PCCB: variants seen among roughly 807,000 people sequenced by gnomAD.
The protein encoded by PCCB is propionyl-CoA carboxylase subunit beta, also known as propionyl-CoA carboxylase beta chain, mitochondrial.
PCCB carries 43 observed loss-of-function variants against 60.7 expected under a neutral mutation model. That is an observed-to-expected ratio of 0.71 (90% CI 0.55 to 0.91). The LOEUF is 0.91. Ranked by LOEUF, PCCB falls within the 40% of genes least tolerant of loss-of-function variation. The pLI is 0.00. For missense variants in PCCB, 766 were observed against 702.8 expected (o/e 1.09, Z -1.02); for synonymous variants, 276 against 255.9 (o/e 1.08, Z -0.75).
At chr3:136,329,864 C>T (rs753182525) in intron 14 of PCCB, 41 bp from the exon 15 acceptor site, 66 of 1,610,214 alleles carry the variant, frequency 4.1e-5, no homozygotes, top group Non-Finnish European at 5.3e-5. Flanking sequence ...GGCATCATCT[C>T]GGGATGCAGA....
intron 7 of PCCB, 128 bp downstream of exon 7, chr3:136,293,992 A>G: frequency 1.5e-6 from 1 of 689,412 alleles, no homozygotes; most frequent in East Asian, 2.6e-5. Flanking sequence ...ACTGTGGTAC[A>G]GTCTATTGTA....
intron 1 of PCCB, among the ~76,000 whole-genome samples, chr3:136,253,721 A>T (rs1576400486): frequency 7.7e-6 from 1 of 130,298 alleles, no homozygotes; most frequent in Non-Finnish European, 1.6e-5. Flanking sequence ...CCCAGGCTGG[A>T]GGGCAGTGGT....
chr3:136,326,253 G>T (rs1318030650), intron 10 of PCCB: 4 of 687,472 alleles, frequency 5.8e-6, no homozygotes, highest in South Asian at 1.5e-5. Context: ...TGGTCTCATA[G>T]AATTAAGTTG....
In PCCB at chr3:136,297,987, G is replaced by T. The variant is rs770733810; in HGVS notation, c.799G>T (p.Ala267Ser). Reference protein sequence around the residue: ...AHRAFENDVDALCNLRDFFNY... With the variant: ...AHRAFENDVDSLCNLRDFFNY... ...CAGAGCTTTTGAAAATGATGTTGAT[G>T]CCTTGTGTAATCTCCGGGATTTCTT... The change falls in exon 8 of 15, where the codon GCC becomes TCC. Residue 267 changes from alanine to serine, a missense_variant. By Grantham distance (99) the Ala-to-Ser change is moderately conservative (BLOSUM62 1). Transcript: ENST00000251654. 4 of 1,613,970 alleles carry T rather than the reference G, an allele frequency of 2.5e-6. No homozygotes were observed. The Admixed American group carries it at 6.7e-5, about 27-fold the overall frequency.
At chr3:136,268,087 G>GAGATAT (rs1553775716) in intron 5 of PCCB, among the ~76,000 whole-genome samples, 37 of 93,786 alleles carry the variant, frequency 3.9e-4, no homozygotes, top group African/African-American at 1.7e-3. Flanking sequence ...TGTGTGTGTA[G>GAGATAT]ATATATATAT....
chr3:136,267,622 CCACAGG>C (rs1483090729), intron 5 of PCCB, among the ~76,000 whole-genome samples: 1 of 152,018 alleles, frequency 6.6e-6, no homozygotes, highest in Non-Finnish European at 1.5e-5. Flanking sequence ...GTAGCTGAGA[CCACAGG>C]CACATGCTAC....
intron 10 of PCCB, among the ~76,000 whole-genome samples, chr3:136,320,386 T>A (rs1318307189): frequency 6.6e-6 from 1 of 152,224 alleles, no homozygotes; most frequent in Non-Finnish European, 1.5e-5. Context: ...TTTTGTAGTT[T>A]TCAGAGTCCA....
intron 13 of PCCB, among the ~76,000 whole-genome samples, chr3:136,328,470 C>T (rs529961248): frequency 1.3e-4 from 20 of 152,158 alleles, no homozygotes; most frequent in Non-Finnish European, 1.9e-4. Context: ...ATGATGAGTG[C>T]AAATGGAGAT....
At chr3:136,288,076 T>C (rs1049615721) in intron 6 of PCCB, among the ~76,000 whole-genome samples, 2 of 152,246 alleles carry the variant, frequency 1.3e-5, no homozygotes, top group African/African-American at 2.4e-5. Flanking sequence ...TAGTCTCTTA[T>C]TGTGTTGTCA....
chr3:136,323,785 T>A lies in PCCB; in HGVS notation c.1091-3018T>A, dbSNP rs1452610987. ...GGGTGACAAGAAGCAGAACTCCATC[T>A]CAGAAACAAAACAAAACATCTCAAA... On this transcript the variant is annotated intron_variant, in intron 10 of 14. Coordinates refer to ENST00000251654, the MANE Select transcript of PCCB (RefSeq NM_000532.5). Among the ~76,000 whole-genome samples the A allele has an allele frequency of 2.9e-5, 4 of 136,182 alleles. No individual in the cohort carries two copies. The Admixed American group carries it at 3.1e-4, about 10-fold the overall frequency. The allele number at this position is 136,182 out of a possible 152,430, so 89.3% of individuals were successfully genotyped here. A position where few individuals can be genotyped will look rare whatever the true frequency, so the allele number is the denominator to read the frequency against.
At position 136,328,755 on chromosome 3, in the gene PCCB, C is replaced by T; in HGVS notation, c.1399-3C>T. On this transcript the variant is annotated splice_region_variant and splice_polypyrimidine_tract_variant and intron_variant, in intron 13 of 14. Transcript: ENST00000251654. The stretch of plus-strand genomic sequence containing the variant: ...AGATGTTCATGAACTCCTCTAATCA[C>T]AGGGCGCTGTGGAGATCATCTTCAA... 6.2e-7 allele frequency: 1 copy of T among 1,612,436 alleles called. No homozygotes were observed.
chr3:136,311,176 G>A (rs977840753), intron 9 of PCCB, among the ~76,000 whole-genome samples: 3 of 152,048 alleles, frequency 2.0e-5, no homozygotes, highest in African/African-American at 7.2e-5. Flanking sequence ...AAACTCTAGA[G>A]AATGCATTAT....
intron 10 of PCCB, among the ~76,000 whole-genome samples, chr3:136,318,518 C>T (rs1934995886): frequency 6.6e-6 from 1 of 152,216 alleles, no homozygotes; most frequent in Non-Finnish European, 1.5e-5. Flanking sequence ...ATTTTCATCT[C>T]CTCAGAGACT....
At chr3:136,268,092 A>ATATATATATATATATATATATG (rs1942070239) in intron 5 of PCCB, among the ~76,000 whole-genome samples, 1 of 54,474 alleles carries the variant, frequency 1.8e-5, no homozygotes, top group Non-Finnish European at 3.7e-5. Flanking sequence ...GTGTAGATAT[A>ATATATATATATATATATATATG]TATATATATA....
At chr3:136,253,837 CAG>C (rs1941593366) in intron 1 of PCCB, among the ~76,000 whole-genome samples, 2 of 151,676 alleles carry the variant, frequency 1.3e-5, no homozygotes, top group Non-Finnish European at 2.9e-5. Flanking sequence ...TTGGTAGAGA[CAG>C]AGTCTCGCTT....
At chr3:136,296,354 C>A (rs531679542) in intron 7 of PCCB, among the ~76,000 whole-genome samples, 1 of 152,178 alleles carries the variant, frequency 6.6e-6, no homozygotes, top group Non-Finnish European at 1.5e-5. Flanking sequence ...GAAATGGAAT[C>A]ATATAATATG....
chr3:136,300,022 A>C (rs1209238315), intron 8 of PCCB, among the ~76,000 whole-genome samples: 2 of 151,918 alleles, frequency 1.3e-5, no homozygotes, highest in Admixed American at 1.3e-4. Context: ...GCATGTGTAC[A>C]CGCCCACACA....
intron 1 of PCCB, among the ~76,000 whole-genome samples, chr3:136,250,913 T>C (rs548288): frequency 0.74 from 112,890 of 152,138 alleles, 42,140 homozygotes; most frequent in East Asian, 0.86. Context: ...GATAGCAAAA[T>C]GATAGGCGCT....
At chr3:136,308,268 C>G (rs905598003) in intron 9 of PCCB, among the ~76,000 whole-genome samples, 2 of 137,260 alleles carry the variant, frequency 1.5e-5, no homozygotes, top group Middle Eastern at 4.4e-3. Context: ...GAGTCTCACT[C>G]TGTAACCCAG....
Sources: allele counts gnomAD v4.1 joint callset (sites outside exome capture counted in the v4.1 genomes callset), GRCh38; gene constraint gnomAD v4.1.1; transcripts MANE v1.5; gene names NCBI Gene and HGNC (gene_info 2026-07-23, HGNC 2026-07-21).